The following TEAD1 variants were observed in gnomAD, a reference collection of about 807,000 sequenced individuals.
TEAD1 encodes TEA domain transcription factor 1.
In TEAD1, 9 loss-of-function variants were observed where a neutral mutation model predicts 54.9. The observed-to-expected ratio is 0.16, with a 90% confidence interval of 0.10 to 0.29. The LOEUF is 0.29. Among genes scored for constraint, TEAD1 ranks in the 10% least tolerant of loss-of-function variants. The pLI, the probability that TEAD1 is intolerant of heterozygous loss-of-function variation, is 1.00. For synonymous variants in TEAD1, 200 were observed against 187.8 expected (o/e 1.07, Z -0.53); for missense variants, 387 against 535.9 (o/e 0.72, Z 2.74).
rs1944654887 is a variant in TEAD1 at position 12,741,758 on chromosome 11, C to CAGTA, written c.-54-22420_-54-22417dup. Among the ~76,000 whole-genome samples, 5 of 152,272 alleles carry CAGTA rather than the reference C, an allele frequency of 3.3e-5. No homozygotes were observed. The South Asian group carries it at 1.0e-3, about 32-fold the overall frequency. ...AAAAGTCTTTTTTCCCCCTGCCTTG[C>CAGTA]AGTAGCAAGGCTCTCATCCTTGCAG... On this transcript the variant is annotated intron_variant, in intron 2 of 12. Transcript: ENST00000527636.
intron 2 of TEAD1, among the ~76,000 whole-genome samples, chr11:12,698,961 TC>T (rs1326347602): frequency 6.6e-6 from 1 of 152,182 alleles, no homozygotes; most frequent in Non-Finnish European, 1.5e-5. Flanking sequence ...TATCAGTACT[TC>T]CTTTATAGTT....
At chr11:12,693,671 G>C (rs569053548) in intron 2 of TEAD1, among the ~76,000 whole-genome samples, 2 of 152,054 alleles carry the variant, frequency 1.3e-5, no homozygotes, top group Non-Finnish European at 2.9e-5. Flanking sequence ...TCATTGTTTC[G>C]GTAACCGTTG....
intron 2 of TEAD1, among the ~76,000 whole-genome samples, chr11:12,676,580 C>T (rs1943097039): frequency 6.6e-6 from 1 of 152,188 alleles, no homozygotes; most frequent in Admixed American, 6.5e-5. Context: ...GACTTAAATC[C>T]AACTTCCTTA....
intron 11 of TEAD1, among the ~76,000 whole-genome samples, chr11:12,927,765 T>C (rs1409772864): frequency 6.6e-6 from 1 of 152,080 alleles, no homozygotes; most frequent in Admixed American, 6.5e-5. Flanking sequence ...TTTCTAAATA[T>C]TATATAATAT....
At chr11:12,731,449 A>G (rs533575727) in intron 2 of TEAD1, among the ~76,000 whole-genome samples, 7 of 152,250 alleles carry the variant, frequency 4.6e-5, no homozygotes, top group African/African-American at 1.7e-4. Context: ...TTTTGTATGT[A>G]TGTTTTTTTA....
At chr11:12,888,682 C>T (rs1037672270) in intron 9 of TEAD1, among the ~76,000 whole-genome samples, 1 of 152,228 alleles carries the variant, frequency 6.6e-6, no homozygotes, top group Admixed American at 6.5e-5. Flanking sequence ...AACCCCACCA[C>T]TCCTAGCAAT....
At chr11:12,694,746 CT>C (rs1328891134) in intron 2 of TEAD1, among the ~76,000 whole-genome samples, 2 of 152,240 alleles carry the variant, frequency 1.3e-5, no homozygotes, top group East Asian at 3.9e-4. Context: ...CCTTCTTTTT[CT>C]ACGCTAATTG....
In TEAD1 at chr11:12,803,034, A is replaced by AGCCCAACCCGAGGAGACTTCTCTCTG. The variant is rs1564945106; in HGVS notation, c.202+38600_202+38601insGCCCAACCCGAGGAGACTTCTCTCTG. Among the ~76,000 whole-genome samples the AGCCCAACCCGAGGAGACTTCTCTCTG allele has an allele frequency of 2.0e-5, 3 of 151,760 alleles. No homozygotes were observed. In the East Asian group the frequency reaches 5.8e-4, roughly 29 times the overall value. On this transcript the variant is annotated intron_variant, in intron 3 of 12. Coordinates refer to ENST00000527636, the MANE Select transcript of TEAD1 (RefSeq NM_021961.6). ...CAAGAAGCCGAGGAGACTTCTCTCT[A>AGCCCAACCCGAGGAGACTTCTCTCTG]CCCAGCCCAACCCGGGCCCTGGATT... is the stretch of plus-strand genomic sequence containing the variant.
At chr11:12,771,610 G>T (rs1945312853) in intron 3 of TEAD1, among the ~76,000 whole-genome samples, 1 of 152,172 alleles carries the variant, frequency 6.6e-6, no homozygotes. Context: ...GGAATGAGGA[G>T]TTAAGTTTTG....
Position 12,853,296 on chromosome 11 carries a change from C to CGTG in TEAD1, c.203-8944_203-8942dup, listed in dbSNP as rs1464902936. Among the ~76,000 whole-genome samples the CGTG allele has an allele frequency of 3.9e-5, 6 of 151,970 alleles. No individual in the cohort carries two copies. In the East Asian group the frequency reaches 1.2e-3, roughly 29 times the overall value. On this transcript the variant is annotated intron_variant, in intron 3 of 12. Coordinates refer to ENST00000527636, the MANE Select transcript of TEAD1 (RefSeq NM_021961.6). ...TGGTAAAATGAATTGTGGTGGTGGTCGTGGTGGTGGTGTGTCATGAAAAAT... is the reference window on the plus strand; with the variant it reads ...TGGTAAAATGAATTGTGGTGGTGGTCGTGGTGGTGGTGGTGTGTCATGAAAAAT...
intron 3 of TEAD1, among the ~76,000 whole-genome samples, chr11:12,771,537 A>G (rs1413809413): frequency 1.3e-5 from 2 of 152,134 alleles, no homozygotes; most frequent in African/African-American, 4.8e-5. Context: ...CATTGGGAGG[A>G]TGGTGGTACT....
intron 5 of TEAD1, among the ~76,000 whole-genome samples, chr11:12,874,989 T>C (rs1335543125): frequency 6.6e-6 from 1 of 152,228 alleles, no homozygotes; most frequent in African/African-American, 2.4e-5. Context: ...TTCTTATTCT[T>C]GCTCATATGC....
intron 2 of TEAD1, among the ~76,000 whole-genome samples, chr11:12,711,065 G>A (rs1038535178): frequency 2.0e-5 from 3 of 152,130 alleles, no homozygotes; most frequent in Non-Finnish European, 4.4e-5. Context: ...TGATCTGTTG[G>A]TGACTGGCTG....
At chr11:12,934,831 A>G (rs1416842906) in intron 12 of TEAD1, among the ~76,000 whole-genome samples, 2 of 152,150 alleles carry the variant, frequency 1.3e-5, no homozygotes, top group East Asian at 1.9e-4. Flanking sequence ...CTTGTCACGT[A>G]GTAATTCATG....
chr11:12,911,308 AC>A (rs1218325733), intron 10 of TEAD1, among the ~76,000 whole-genome samples: 2 of 151,848 alleles, frequency 1.3e-5, no homozygotes, highest in Admixed American at 1.3e-4. Context: ...AACAGACCCC[AC>A]CCCCATTGGA....
At chr11:12,889,030 C>A (rs538904364) in intron 9 of TEAD1, among the ~76,000 whole-genome samples, 2 of 152,212 alleles carry the variant, frequency 1.3e-5, no homozygotes, top group South Asian at 4.2e-4. Flanking sequence ...GGAGAACCAG[C>A]GAGTCAGTCC....
chr11:12,936,513 C>T (rs1343015422), intron 12 of TEAD1, among the ~76,000 whole-genome samples: 1 of 152,076 alleles, frequency 6.6e-6, no homozygotes. Context: ...TATTGTGAAA[C>T]AAGATTTAGC....
chr11:12,808,295 G>GT (rs1390884818), intron 3 of TEAD1, among the ~76,000 whole-genome samples: 1 of 152,054 alleles, frequency 6.6e-6, no homozygotes, highest in African/African-American at 2.4e-5. Context: ...GGGATGGGAC[G>GT]TGGAACAGGG....
chr11:12,933,743 C>T (rs2134174638), intron 12 of TEAD1, among the ~76,000 whole-genome samples: 1 of 152,246 alleles, frequency 6.6e-6, no homozygotes, highest in South Asian at 2.1e-4. Flanking sequence ...GTAATTCTCA[C>T]TTTCAGACTA....
Sources: gnomAD v4.1 joint callset for allele counts (sites outside exome capture counted in the v4.1 genomes callset) on GRCh38, gnomAD v4.1.1 for gene constraint, MANE v1.5 for transcripts, NCBI Gene and HGNC (gene_info 2026-07-23, HGNC 2026-07-21) for gene names.